PDLIM5: variants seen among roughly 807,000 people sequenced by gnomAD.
The protein encoded by PDLIM5 is PDZ and LIM domain 5.
In PDLIM5, 34 loss-of-function variants were observed where a neutral mutation model predicts 64.2. The observed-to-expected ratio is 0.53, with a 90% CI of 0.40 to 0.71. PDLIM5 has a LOEUF of 0.71. PDLIM5 is among the 30% of genes least tolerant of loss of function. The probability of loss-of-function intolerance (pLI) is 0.00; values close to 1 mark genes in which losing one functional copy is unlikely to be tolerated. For missense variants in PDLIM5, 683 were observed against 733.6 expected (o/e 0.93, Z 0.80); for synonymous variants, 253 against 269.1 (o/e 0.94, Z 0.59).
intron 1 of PDLIM5, among the ~76,000 whole-genome samples, chr4:94,454,466 G>T (rs1723146749): frequency 6.6e-6 from 1 of 151,906 alleles, no homozygotes; most frequent in Non-Finnish European, 1.5e-5. Context: ...CCATTTGAAT[G>T]CATTAACCCA....
At chr4:94,543,320 G>A (rs13146878) in intron 3 of PDLIM5, among the ~76,000 whole-genome samples, 72,547 of 151,540 alleles carry the variant, frequency 0.48, 18,380 homozygotes, top group South Asian at 0.76. Context: ...TTAAATTTAT[G>A]AATAAAAGTT....
intron 6 of PDLIM5, 59 bp downstream of exon 6, chr4:94,585,796 T>C (rs1339274138): frequency 3.8e-6 from 5 of 1,327,052 alleles, no homozygotes; most frequent in Non-Finnish European, 5.4e-6. Flanking sequence ...GAGAGTGGCA[T>C]TGAGACTGAT....
chr4:94,476,120 A>G (rs947384190), intron 2 of PDLIM5, among the ~76,000 whole-genome samples: 5 of 152,202 alleles, frequency 3.3e-5, no homozygotes, highest in African/African-American at 1.2e-4. Context: ...GTCTCATGAG[A>G]ATAAAGTATG....
chr4:94,539,130 G>A (rs1387726303), intron 3 of PDLIM5, among the ~76,000 whole-genome samples: 3 of 152,160 alleles, frequency 2.0e-5, no homozygotes, highest in Non-Finnish European at 4.4e-5. Context: ...AGATGAGCTG[G>A]ACTGGAGGTT....
intron 7 of PDLIM5, among the ~76,000 whole-genome samples, chr4:94,594,677 C>T (rs762208776): frequency 6.6e-6 from 1 of 152,040 alleles, no homozygotes; most frequent in Non-Finnish European, 1.5e-5. Flanking sequence ...TTCTTGATCT[C>T]ACCATGTTCT....
At chr4:94,484,652 C>T (rs908580661) in intron 2 of PDLIM5, among the ~76,000 whole-genome samples, 8 of 152,146 alleles carry the variant, frequency 5.3e-5, no homozygotes, top group African/African-American at 1.9e-4. Flanking sequence ...GGTACACAGC[C>T]AGTCAGAGGA....
At position 94,663,939 on chromosome 4, in the gene PDLIM5, C is replaced by T. The variant is rs372810080; in HGVS notation, c.1702-39C>T. 3,448 of 1,581,396 alleles carry T rather than the reference C, an allele frequency of 2.2e-3. 8 individuals carry two copies. The highest frequency in any genetic ancestry group is 2.6e-3 in the Non-Finnish European group (3,046 of 1,157,918). On this transcript the variant is annotated intron_variant, in intron 12 of 12. Coordinates refer to ENST00000317968, the MANE Select transcript of PDLIM5 (RefSeq NM_006457.5). Reference sequence around the variant, plus strand: ...TACTGGGTAAAATCCTCTTAATATCCTCTTAAATAATATCTCTTAAATGCT... The same window carrying T: ...TACTGGGTAAAATCCTCTTAATATCTTCTTAAATAATATCTCTTAAATGCT...
chr4:94,622,881 G>T (rs996646681), intron 8 of PDLIM5, among the ~76,000 whole-genome samples: 14 of 152,034 alleles, frequency 9.2e-5, no homozygotes, highest in Non-Finnish European at 1.5e-5. Context: ...ATGTTGGCCA[G>T]GATGGTCTCA....
At chr4:94,514,133 C>CTTTT (rs34757067) in intron 2 of PDLIM5, among the ~76,000 whole-genome samples, 1 of 115,140 alleles carries the variant, frequency 8.7e-6, no homozygotes, top group Non-Finnish European at 1.7e-5. Context: ...CTAGTATTTT[C>CTTTT]TTTTTTTTTT....
chr4:94,520,463 A>C (rs915041489), intron 2 of PDLIM5, among the ~76,000 whole-genome samples: 9 of 152,196 alleles, frequency 5.9e-5, no homozygotes, highest in African/African-American at 2.2e-4. Context: ...GAAACAAACA[A>C]ATCAAAAAAA....
chr4:94,619,274 A>G (rs529372866), intron 8 of PDLIM5, among the ~76,000 whole-genome samples: 1 of 151,846 alleles, frequency 6.6e-6, no homozygotes, highest in African/African-American at 2.4e-5. Flanking sequence ...AATGACTTCT[A>G]ATTTCCCTGT....
chr4:94,654,404 G>A, intron 9 of PDLIM5, 56 bp from the exon 10 acceptor site: 1 of 1,159,600 alleles, frequency 8.6e-7, no homozygotes, highest in Non-Finnish European at 1.3e-6. Context: ...TCCATATCCA[G>A]GCTAACTCTA....
intron 2 of PDLIM5, among the ~76,000 whole-genome samples, chr4:94,490,243 CTCTT>C (rs1022517032): frequency 5.9e-5 from 9 of 151,722 alleles, no homozygotes; most frequent in South Asian, 2.1e-4. Flanking sequence ...ATATTATAAA[CTCTT>C]TATGAATGTT....
chr4:94,490,786 AC>A (rs1726802229), intron 2 of PDLIM5, among the ~76,000 whole-genome samples: 1 of 152,174 alleles, frequency 6.6e-6, no homozygotes, highest in Non-Finnish European at 1.5e-5. Context: ...GTTAAATAAT[AC>A]TTTTAAATGA....
chr4:94,526,545 G>A (rs1041196927), intron 3 of PDLIM5, among the ~76,000 whole-genome samples: 1 of 152,140 alleles, frequency 6.6e-6, no homozygotes, highest in Non-Finnish European at 1.5e-5. Flanking sequence ...TTGATAGAGT[G>A]TGTGGTTAAC....
Position 94,552,103 on chromosome 4 carries a change from C to T in PDLIM5, c.249-21248C>T, listed in dbSNP as rs73833963. On this transcript the variant is annotated intron_variant, in intron 3 of 12. Coordinates refer to ENST00000317968, the MANE Select transcript of PDLIM5 (RefSeq NM_006457.5). ...AATGCCCAAGAGTGTGACTTTGTAGCTAGGATGAGCTGTGGATATATATAC... is the reference window on the plus strand; with the variant it reads ...AATGCCCAAGAGTGTGACTTTGTAGTTAGGATGAGCTGTGGATATATATAC... Among the ~76,000 whole-genome samples, 781 of 152,212 alleles carry T rather than the reference C, an allele frequency of 5.1e-3. 9 individuals carry two copies. The highest frequency in any genetic ancestry group is 0.018 in the African/African-American group (748 of 41,552).
At chr4:94,641,378 A>G (rs1331268013) in intron 9 of PDLIM5, among the ~76,000 whole-genome samples, 1 of 152,236 alleles carries the variant, frequency 6.6e-6, no homozygotes, top group African/African-American at 2.4e-5. Flanking sequence ...GGAAACCTCA[A>G]TACTTCATTT....
chr4:94,561,064 C>T (rs1261666300), intron 3 of PDLIM5, among the ~76,000 whole-genome samples: 1 of 152,130 alleles, frequency 6.6e-6, no homozygotes, highest in Non-Finnish European at 1.5e-5. Flanking sequence ...CTATGAGTTG[C>T]TTGTCTTTGA....
intron 11 of PDLIM5, among the ~76,000 whole-genome samples, 181 bp downstream of exon 11, chr4:94,657,728 C>G (rs577446550): frequency 6.6e-6 from 1 of 151,594 alleles, no homozygotes; most frequent in Non-Finnish European, 1.5e-5. Context: ...TCTTTTGAGA[C>G]GGAGTCTCAC....
Sources: gnomAD v4.1 joint callset for allele counts (sites outside exome capture counted in the v4.1 genomes callset) on GRCh38, gnomAD v4.1.1 for gene constraint, MANE v1.5 for transcripts, NCBI Gene and HGNC (gene_info 2026-07-23, HGNC 2026-07-21) for gene names.